NCKAP5: variants seen among roughly 807,000 people sequenced by gnomAD.
NCKAP5 encodes the protein nck-associated protein 5.
NCKAP5 carries 92 observed loss-of-function variants against 167.0 expected under a neutral mutation model. That is an observed-to-expected ratio of 0.55 (90% CI 0.47 to 0.66). The LOEUF (loss-of-function observed/expected upper bound fraction) is 0.66. NCKAP5 is among the 30% of genes least tolerant of loss of function. NCKAP5 has a pLI of 0.00. For missense variants in NCKAP5, 2,378 were observed against 2,315.0 expected, an observed-to-expected ratio of 1.03 and a Z score of -0.56; for synonymous variants, 891 against 877.4, an observed-to-expected ratio of 1.02 and a Z score of -0.27.
chr2:132,737,485 A>T (rs541507144), intron 16 of NCKAP5, among the ~76,000 whole-genome samples: 2 of 152,316 alleles, frequency 1.3e-5, no homozygotes, highest in East Asian at 3.9e-4. Flanking sequence ...ATAAGCAGCC[A>T]AGATGGGTGT....
rs549454440 is a variant in NCKAP5 at position 132,958,136 on chromosome 2, T to C, written c.579+5584A>G. On this transcript the variant is annotated intron_variant, in intron 8 of 19. Transcript: ENST00000409261. The stretch of plus-strand genomic sequence containing the variant: ...CAAGGGCTCCCGCTAGTCCCCATAC[T>C]ACCATAACCCACAGGGTTACGAACA... Among the ~76,000 whole-genome samples, 3 of 152,262 alleles carry C rather than the reference T, an allele frequency of 2.0e-5. No homozygotes were observed. The South Asian group carries it at 6.2e-4, about 32-fold the overall frequency.
Position 132,672,801 on chromosome 2 carries a change from G to T in NCKAP5, c.*488C>A. 7.9e-6 allele frequency: 2 copies of T among 254,152 alleles called. No homozygotes were observed. Among genetic ancestry groups the T allele is most frequent in the Non-Finnish European group, 6.2e-6 (1 of 161,132 alleles). The allele number at this position is 254,152 out of a possible 1,614,324, so 15.7% of individuals were successfully genotyped here. On this transcript the variant is annotated 3_prime_UTR_variant, in exon 20 of 20. Coordinates refer to ENST00000409261, the MANE Select transcript of NCKAP5 (RefSeq NM_207363.3). ...GCAAAATTAAGGATTCTGTATCATA[G>T]ATGTGTTTACGCTTAATCCTCTTGA...
chr2:132,810,037 A>G (rs904111184), intron 11 of NCKAP5, among the ~76,000 whole-genome samples: 1 of 152,142 alleles, frequency 6.6e-6, no homozygotes, highest in Non-Finnish European at 1.5e-5. Flanking sequence ...TTTCCTTCAT[A>G]TACGATTCTT....
chr2:132,829,776 G>GTGA (rs1687390008), intron 11 of NCKAP5, among the ~76,000 whole-genome samples: 1 of 152,136 alleles, frequency 6.6e-6, no homozygotes, highest in Admixed American at 6.6e-5. Context: ...AGGTTCCCAG[G>GTGA]TGATGCTGCT....
intron 2 of NCKAP5, among the ~76,000 whole-genome samples, chr2:133,538,444 T>G (rs1685923217): frequency 1.3e-5 from 2 of 152,082 alleles, no homozygotes; most frequent in Admixed American, 6.6e-5. Context: ...ATGGAAGAAA[T>G]GGACCTCAAA....
At chr2:133,362,004 T>A (rs1226741220) in intron 3 of NCKAP5, among the ~76,000 whole-genome samples, 2 of 144,132 alleles carry the variant, frequency 1.4e-5, no homozygotes, top group African/African-American at 5.2e-5. Flanking sequence ...TAAATCTGTT[T>A]AAAAAATGAA....
At chr2:133,638,672 A>G in the NCKAP5 span, among the ~76,000 whole-genome samples, 1 of 152,098 alleles carries the variant, frequency 6.6e-6, no homozygotes, top group Non-Finnish European at 1.5e-5. Context: ...AGCTTGGCCA[A>G]CATGGTGAGG....
chr2:133,587,582 A>G, the NCKAP5 span, among the ~76,000 whole-genome samples: 2 of 152,370 alleles, frequency 1.3e-5, no homozygotes, highest in African/African-American at 4.8e-5. Flanking sequence ...GGGCAGCAAG[A>G]GAGAGCCAGC....
intron 6 of NCKAP5, among the ~76,000 whole-genome samples, chr2:133,045,163 G>T (rs940600837): frequency 6.6e-6 from 1 of 151,962 alleles, no homozygotes; most frequent in African/African-American, 2.4e-5. Flanking sequence ...ACAAAGAAAT[G>T]ATAAACAACT....
At position 133,082,446 on chromosome 2, in the gene NCKAP5, G is replaced by A. The variant is rs114350079; in HGVS notation, c.341+47532C>T. Among the ~76,000 whole-genome samples the A allele has an allele frequency of 1.9e-3, 295 of 152,196 alleles. 1 individual carries two copies. Among genetic ancestry groups the A allele is most frequent in the Middle Eastern group, 6.8e-3 (2 of 294 alleles). On this transcript the variant is annotated intron_variant, in intron 6 of 19. Coordinates refer to ENST00000409261, the MANE Select transcript of NCKAP5 (RefSeq NM_207363.3). ...CTGAGTGTGTCAGAGGAAGTCACTCGTGCTTTTTCACTAAAAGAAGCTTTA... is the reference window on the plus strand; with the variant it reads ...CTGAGTGTGTCAGAGGAAGTCACTCATGCTTTTTCACTAAAAGAAGCTTTA...
In NCKAP5 at chr2:132,672,838, T is replaced by G. The variant is rs1012609772; in HGVS notation, c.*451A>C. 3 of 395,450 alleles carry G rather than the reference T, an allele frequency of 7.6e-6. No individual in the cohort carries two copies. The highest frequency in any genetic ancestry group is 6.4e-5 in the Admixed American group (1 of 15,626). The allele number at this position is 395,450 out of a possible 1,614,324, so 24.5% of individuals were successfully genotyped here. On this transcript the variant is annotated 3_prime_UTR_variant, in exon 20 of 20. Transcript: ENST00000409261. ...CTTAATCCTCTTGAAACACAATAAA[T>G]GGAGTCTATCTTTATTGCCCTGTCA...
chr2:132,721,519 C>T (rs929005415), intron 19 of NCKAP5, among the ~76,000 whole-genome samples: 7 of 152,084 alleles, frequency 4.6e-5, no homozygotes, highest in African/African-American at 1.7e-4. Flanking sequence ...CAGGCACGTG[C>T]GACGAAAGCA....
chr2:132,895,278 C>A (rs1693083624), intron 8 of NCKAP5, among the ~76,000 whole-genome samples: 1 of 150,158 alleles, frequency 6.7e-6, no homozygotes, highest in East Asian at 2.0e-4. Context: ...TTGCGGTGAG[C>A]CGAGATCGCG....
At chr2:133,061,633 A>G (rs1478673802) in intron 6 of NCKAP5, among the ~76,000 whole-genome samples, 2 of 152,246 alleles carry the variant, frequency 1.3e-5, no homozygotes, top group African/African-American at 4.8e-5. Flanking sequence ...ACATTAACTG[A>G]GGCAAGAACC....
At chr2:133,607,958 A>G in the NCKAP5 span, among the ~76,000 whole-genome samples, 1 of 152,088 alleles carries the variant, frequency 6.6e-6, no homozygotes, top group East Asian at 1.9e-4. Flanking sequence ...TCCAATAACA[A>G]CTTACTGGTA....
At chr2:133,045,059 G>GAA (rs111637632) in intron 6 of NCKAP5, among the ~76,000 whole-genome samples, 1 of 90,018 alleles carries the variant, frequency 1.1e-5, no homozygotes, top group Non-Finnish European at 2.4e-5. Context: ...GTAGAAAGAA[G>GAA]AAAAAAAAAA....
At chr2:132,728,105 C>G (rs1053806925) in intron 18 of NCKAP5, among the ~76,000 whole-genome samples, 2 of 152,178 alleles carry the variant, frequency 1.3e-5, no homozygotes, top group African/African-American at 4.8e-5. Context: ...CACCACCAGG[C>G]ACCAGGGCAG....
intron 3 of NCKAP5, among the ~76,000 whole-genome samples, chr2:133,474,386 A>T (rs1679689405): frequency 1.3e-5 from 2 of 152,160 alleles, no homozygotes; most frequent in Non-Finnish European, 2.9e-5. Flanking sequence ...GATGGTTATG[A>T]GGGGCTGGTG....
At chr2:133,184,105 G>A (rs902109909) in intron 5 of NCKAP5, among the ~76,000 whole-genome samples, 1 of 151,884 alleles carries the variant, frequency 6.6e-6, no homozygotes, top group Non-Finnish European at 1.5e-5. Flanking sequence ...TAGTTTGTTA[G>A]CCCACTCACC....
Sources: gnomAD v4.1 joint callset for allele counts (sites outside exome capture counted in the v4.1 genomes callset) on GRCh38, gnomAD v4.1.1 for gene constraint, MANE v1.5 for transcripts, NCBI Gene and HGNC (gene_info 2026-07-23, HGNC 2026-07-21) for gene names.